STPG2: variants seen among roughly 807,000 people sequenced by gnomAD.
STPG2 encodes sperm tail PG-rich repeat containing 2, also known as sperm-tail PG-rich repeat-containing protein 2.
STPG2 carries 56 observed loss-of-function variants against 54.2 expected under a neutral mutation model. The observed-to-expected ratio is 1.03, with a 90% CI of 0.83 to 1.29. STPG2 has a LOEUF of 1.29. STPG2 is among the 50% of genes most tolerant of loss of function. The pLI is 0.00. For missense variants in STPG2, 596 were observed against 544.9 expected (o/e 1.09, Z -0.93); for synonymous variants, 200 against 181.8 (o/e 1.10, Z -0.81).
At chr4:97,568,333 A>T (rs1732507824) in intron 10 of STPG2, among the ~76,000 whole-genome samples, 1 of 152,186 alleles carries the variant, frequency 6.6e-6, no homozygotes, top group Non-Finnish European at 1.5e-5. Context: ...TGTTGATTTC[A>T]GGACATGGTT....
At chr4:97,741,384 G>A (rs1262239784) in intron 9 of STPG2, among the ~76,000 whole-genome samples, 1 of 152,082 alleles carries the variant, frequency 6.6e-6, no homozygotes, top group Non-Finnish European at 1.5e-5. Context: ...AAACTAAAGA[G>A]CTTCTGCACA....
At chr4:97,537,058 T>A (rs1270169965) in intron 4 of STPG2, among the ~76,000 whole-genome samples, 1 of 152,048 alleles carries the variant, frequency 6.6e-6, no homozygotes, top group African/African-American at 2.4e-5. Context: ...ATAAAGACCA[T>A]TAGGGCAGTT....
chr4:97,905,695 T>A (rs1373151692), intron 8 of STPG2, among the ~76,000 whole-genome samples: 1 of 152,126 alleles, frequency 6.6e-6, no homozygotes, highest in Non-Finnish European at 1.5e-5. Flanking sequence ...ATCAGTGTGC[T>A]GTATTCAGGA....
intron 10 of STPG2, among the ~76,000 whole-genome samples, chr4:97,560,197 C>T (rs1732188592): frequency 6.6e-6 from 1 of 152,140 alleles, no homozygotes; most frequent in Admixed American, 6.5e-5. Flanking sequence ...CTTATTCCAA[C>T]ATTTTGGAGT....
At chr4:98,006,040 C>A (rs1277599796) in intron 5 of STPG2, among the ~76,000 whole-genome samples, 1 of 152,114 alleles carries the variant, frequency 6.6e-6, no homozygotes, top group Admixed American at 6.6e-5. Context: ...ATTCAATTTC[C>A]TTACTCAATA....
chr4:97,618,782 A>C (rs552431849), intron 10 of STPG2, among the ~76,000 whole-genome samples: 5 of 152,158 alleles, frequency 3.3e-5, no homozygotes, highest in African/African-American at 9.7e-5. Context: ...TGTGTATTTT[A>C]TTCTCTTTTG....
At chr4:97,630,975 A>G (rs2148932606) in intron 10 of STPG2, among the ~76,000 whole-genome samples, 1 of 152,090 alleles carries the variant, frequency 6.6e-6, no homozygotes, top group Admixed American at 6.5e-5. Flanking sequence ...TGGTTCTGTG[A>G]TCAGATAAGA....
intron 4 of STPG2, among the ~76,000 whole-genome samples, chr4:97,487,948 G>A (rs909869737): frequency 6.6e-6 from 1 of 151,342 alleles, no homozygotes; most frequent in Non-Finnish European, 1.5e-5. Context: ...GAAAATACAT[G>A]TGTAATATAA....
rs192462093 is a variant in STPG2, at chr4:98,047,333, G to A, written c.612+58620C>T. On this transcript the variant is annotated intron_variant, in intron 5 of 10. Coordinates refer to ENST00000295268, the MANE Select transcript of STPG2 (RefSeq NM_174952.3). ...AGGACAGGGATAAAAAGCATGAGGA[G>A]CGCCCATACACTTATTTAAACTTCC... 4.2e-3 allele frequency among the ~76,000 whole-genome samples: 642 copies of A among 152,094 alleles called. 3 individuals carry two copies. Among genetic ancestry groups the A allele is most frequent in the South Asian group, 0.024 (116 of 4,812 alleles).
At chr4:97,950,552 T>A (rs1733426964) in intron 7 of STPG2, among the ~76,000 whole-genome samples, 1 of 152,198 alleles carries the variant, frequency 6.6e-6, no homozygotes, top group Non-Finnish European at 1.5e-5. Context: ...TTGAATACCT[T>A]AGTAATTAAT....
chr4:97,921,789 A>C (rs1270303662), intron 8 of STPG2, among the ~76,000 whole-genome samples: 2 of 152,212 alleles, frequency 1.3e-5, no homozygotes, highest in Non-Finnish European at 2.9e-5. Context: ...CTAAGTGTTC[A>C]TCAACGGATA....
intron 10 of STPG2, among the ~76,000 whole-genome samples, chr4:97,690,816 G>T (rs74499667): frequency 0.014 from 2,123 of 152,176 alleles, 28 homozygotes; most frequent in Non-Finnish European, 0.024. Flanking sequence ...AGCAAAACTT[G>T]GGACTCTGAA....
intron 4 of STPG2, among the ~76,000 whole-genome samples, chr4:97,459,164 G>C (rs1442084665): frequency 6.6e-6 from 1 of 151,936 alleles, no homozygotes; most frequent in African/African-American, 2.4e-5. Context: ...ATAAATATAT[G>C]TGTATCACTG....
chr4:97,816,579 A>G (rs1294298861), intron 9 of STPG2, among the ~76,000 whole-genome samples: 1 of 152,220 alleles, frequency 6.6e-6, no homozygotes, highest in East Asian at 1.9e-4. Flanking sequence ...TGAAGAGATT[A>G]GTATTTGAAT....
intron 4 of STPG2, among the ~76,000 whole-genome samples, chr4:97,484,976 A>G (rs1730317260): frequency 6.6e-6 from 1 of 151,906 alleles, no homozygotes; most frequent in Non-Finnish European, 1.5e-5. Flanking sequence ...TCATTTCACT[A>G]GATGCAGAAA....
chr4:97,563,300 A>G (rs1732313989), intron 10 of STPG2, among the ~76,000 whole-genome samples: 1 of 151,890 alleles, frequency 6.6e-6, no homozygotes, highest in South Asian at 2.1e-4. Flanking sequence ...CCCCTTTGTC[A>G]TTTTTTATTG....
intron 10 of STPG2, among the ~76,000 whole-genome samples, chr4:97,622,692 A>G (rs1734042979): frequency 6.6e-6 from 1 of 152,094 alleles, no homozygotes; most frequent in Non-Finnish European, 1.5e-5. Flanking sequence ...ATACCACCCA[A>G]AGGAATTTAC....
intron 9 of STPG2, among the ~76,000 whole-genome samples, chr4:97,795,322 A>G (rs1317568655): frequency 6.6e-6 from 1 of 152,110 alleles, no homozygotes; most frequent in African/African-American, 2.4e-5. Context: ...CATTAGGTAT[A>G]TCTCCTAATG....
chr4:97,442,521 T>A (rs1253903393), intron 4 of STPG2, among the ~76,000 whole-genome samples: 3 of 152,092 alleles, frequency 2.0e-5, no homozygotes, highest in African/African-American at 7.2e-5. Context: ...TCTGGTAGCT[T>A]TTTGAGGGTC....
Sources: gnomAD v4.1 joint callset for allele counts (sites outside exome capture counted in the v4.1 genomes callset) on GRCh38, gnomAD v4.1.1 for gene constraint, MANE v1.5 for transcripts, NCBI Gene and HGNC (gene_info 2026-07-23, HGNC 2026-07-21) for gene names.